The following PODNL1 variants were observed in gnomAD, a reference collection of about 807,000 sequenced individuals.
PODNL1 encodes podocan like 1.
Under a neutral mutation model 45.1 loss-of-function variants are expected in PODNL1, and 50 were observed. The ratio of observed to expected loss-of-function variants is 1.11; its 90% CI spans 0.88 to 1.40. The LOEUF (loss-of-function observed/expected upper bound fraction) is 1.40. Ranked by LOEUF, PODNL1 falls within the 40% of genes most tolerant of loss-of-function variation. The pLI is 0.00. For synonymous variants in PODNL1, 406 were observed against 372.5 expected (o/e 1.09, Z -1.04); for missense variants, 788 against 793.3 (o/e 0.99, Z 0.08).
At chr19:13,948,157 G>T (rs1490342928) in intron 1 of PODNL1, among the ~76,000 whole-genome samples, 1 of 151,804 alleles carries the variant, frequency 6.6e-6, no homozygotes, top group East Asian at 1.9e-4. Context: ...GATTACAGGC[G>T]TGAGCCACCA....
At chr19:13,941,578 AG>A (rs1972657513), upstream of PODNL1, among the ~76,000 whole-genome samples, 1 of 152,126 alleles carries the variant, frequency 6.6e-6, no homozygotes, top group South Asian at 2.1e-4. Flanking sequence ...TGGGAGGCTG[AG>A]GTGGGCAGAT....
chr19:13,950,718 G>A (rs1972973542), intron 1 of PODNL1, among the ~76,000 whole-genome samples: 1 of 152,118 alleles, frequency 6.6e-6, no homozygotes, highest in Admixed American at 6.6e-5. Context: ...TGGACGTAGG[G>A]TATGCAAGAA....
chr19:13,935,972 G>A lies in PODNL1; in HGVS notation c.384+8C>T. The A allele has an allele frequency of 6.4e-7, 1 of 1,551,772 alleles. No homozygotes were observed. The highest frequency in any genetic ancestry group is 2.0e-5 in the Admixed American group (1 of 51,160). On this transcript the variant is annotated splice_region_variant and intron_variant, in intron 4 of 9. Transcript: ENST00000588872. ...GGGCTCGGCCTGCGGGTGGGGCTGGGGGCTCACCTTGTTGTGAGCCACGCA... is the reference window on the plus strand; with the variant it reads ...GGGCTCGGCCTGCGGGTGGGGCTGGAGGCTCACCTTGTTGTGAGCCACGCA...
chr19:13,945,235 G>T (rs149846967), intron 1 of PODNL1, among the ~76,000 whole-genome samples: 4 of 152,090 alleles, frequency 2.6e-5, no homozygotes, highest in African/African-American at 9.7e-5. Context: ...GTTGAGCAGG[G>T]TGCAGTGGCT....
At chr19:13,948,405 G>A (rs1199527194) in intron 1 of PODNL1, among the ~76,000 whole-genome samples, 2 of 147,226 alleles carry the variant, frequency 1.4e-5, no homozygotes, top group Non-Finnish European at 3.0e-5. Flanking sequence ...TAGAGACGGG[G>A]TTTCACCATG....
chr19:13,934,558 GT>G, intron 5 of PODNL1, 148 bp from the exon 6 acceptor site: 1 of 796,252 alleles, frequency 1.3e-6, no homozygotes, highest in East Asian at 3.0e-5. Flanking sequence ...GTGTGGGAAT[GT>G]AATTGTGTAT....
At chr19:13,952,611 G>T in intron 1 of PODNL1, 1 of 1,265,556 alleles carries the variant, frequency 7.9e-7, no homozygotes. Flanking sequence ...GGCGGCGGCG[G>T]GAGCACGTCC....
chr19:13,938,799 A>G (rs1972549149), upstream of PODNL1, among the ~76,000 whole-genome samples: 1 of 150,548 alleles, frequency 6.6e-6, no homozygotes, highest in South Asian at 2.1e-4. Flanking sequence ...AGGAAATTAC[A>G]TATATCCAGG....
chr19:13,931,603 G>C lies in PODNL1; in HGVS notation c.*134C>G. 1 of 983,618 alleles carries C rather than the reference G, an allele frequency of 1.0e-6. No homozygotes were observed. The highest frequency in any genetic ancestry group is 1.3e-6 in the Non-Finnish European group (1 of 762,440). The allele number at this position is 983,618 out of a possible 1,614,324, so 60.9% of individuals were successfully genotyped here. ...GCTGTGTGCCTCTGTGTCTCGGCCA[G>C]TGGCAGGCAGAGCAGGCCCAGCCCT... On this transcript the variant is annotated 3_prime_UTR_variant, in exon 10 of 10. Coordinates refer to ENST00000588872, the MANE Select transcript of PODNL1 (RefSeq NM_001370095.3).
intron 1 of PODNL1, among the ~76,000 whole-genome samples, chr19:13,945,499 T>G (rs1408056462): frequency 1.3e-5 from 2 of 151,776 alleles, no homozygotes; most frequent in Admixed American, 6.6e-5. Context: ...TACAATTTTT[T>G]TTTTTGAAAT....
upstream of PODNL1, among the ~76,000 whole-genome samples, chr19:13,942,471 A>G (rs1972685329): frequency 1.3e-5 from 2 of 152,126 alleles, 1 homozygote; most frequent in South Asian, 4.1e-4. Flanking sequence ...TAGGAACCTA[A>G]CCATTGTTCC....
Position 13,932,889 on chromosome 19 carries a change from A to G in PODNL1, c.1334T>C (p.Leu445Pro), listed in dbSNP as rs772935891. ...CAGGCTGAGCTCCCGCAGTTGGTCC[A>G]GGCCGGCCAGAGGCTCGGGCTCGAG... ...RMLEPEPLAG[L>P]DQLRELSLAH... is the part of the protein sequence containing the mutation. The change falls in exon 8 of 10, where the codon CTG (leucine) becomes CCG (proline). Residue 445 changes from leucine to proline, a missense_variant. By Grantham distance (98) the Leu-to-Pro change is moderately conservative. This residue lies in a region of PODNL1 where 762 missense variants were observed against 750.9 expected (regional missense o/e 1.01). Transcript: ENST00000588872. 77 of 1,604,724 alleles carry G rather than the reference A, an allele frequency of 4.8e-5. No homozygotes were observed. Among genetic ancestry groups the G allele is most frequent in the Non-Finnish European group, 6.1e-5 (72 of 1,176,402 alleles).
At chr19:13,952,692 G>T in intron 1 of PODNL1, 1 of 1,299,254 alleles carries the variant, frequency 7.7e-7, no homozygotes. Flanking sequence ...GTGGGGAGTA[G>T]GGACGAGGGA....
chr19:13,939,784 C>G (rs1166639343), upstream of PODNL1: 1 of 152,058 alleles, frequency 6.6e-6, no homozygotes, highest in East Asian at 1.9e-4. Context: ...ACTCCAGAGG[C>G]TGAGGCACGA....
intron 4 of PODNL1, 34 bp from the exon 5 acceptor site, chr19:13,935,864 T>G: frequency 6.4e-7 from 1 of 1,571,542 alleles, no homozygotes; most frequent in Non-Finnish European, 8.6e-7. Flanking sequence ...GGACTGGTCC[T>G]GGTGCGCCTT....
At chr19:13,934,500 T>A (rs891531989) in intron 5 of PODNL1, 90 bp from the exon 6 acceptor site, 8 of 433,806 alleles carry the variant, frequency 1.8e-5, no homozygotes, top group African/African-American at 8.6e-5. Flanking sequence ...TCGCCTTCAG[T>A]GTGTGTGTGT....
At chr19:13,952,950 G>C in intron 1 of PODNL1, 1 of 919,846 alleles carries the variant, frequency 1.1e-6, no homozygotes, top group Non-Finnish European at 1.6e-6. Context: ...GGAGAATCAG[G>C]AGGAAGGGGG....
Position 13,931,417 on chromosome 19 carries a change from T to G in PODNL1, c.*320A>C. The G allele has an allele frequency of 5.8e-5, 16 of 274,436 alleles. No individual in the cohort carries two copies. Among genetic ancestry groups the G allele is most frequent in the East Asian group, 2.5e-4 (4 of 16,220 alleles). 17.0% of individuals were successfully genotyped at this position (274,436 alleles called of 1,614,324 possible). A position where few individuals can be genotyped will look rare whatever the true frequency, so the allele number is the denominator to read the frequency against. On this transcript the variant is annotated 3_prime_UTR_variant, in exon 10 of 10. Transcript: ENST00000588872. ...GCCTCAGTTTCCCCAGCTGGACTGGTTGTGGGGAGGAGTCCGTGGACAGAG... is the reference window on the plus strand; with the variant it reads ...GCCTCAGTTTCCCCAGCTGGACTGGGTGTGGGGAGGAGTCCGTGGACAGAG...
chr19:13,938,434 C>T (rs1180967847), upstream of PODNL1: 10 of 1,300,588 alleles, frequency 7.7e-6, no homozygotes, highest in East Asian at 2.6e-4. Flanking sequence ...TTGGTCCCCC[C>T]CAACAACCAC....
Sources: gnomAD v4.1 joint callset for allele counts (sites outside exome capture counted in the v4.1 genomes callset) on GRCh38, gnomAD v4.1.1 for gene constraint, gnomAD v4.1.1 regional missense constraint, MANE v1.5 for transcripts, NCBI Gene and HGNC (gene_info 2026-07-23, HGNC 2026-07-21) for gene names.